Variants in ERO1A observed in about 807,000 individuals in gnomAD.
ERO1A encodes the protein endoplasmic reticulum oxidoreductase 1 alpha.
In ERO1A, 49 loss-of-function variants were observed where a neutral mutation model predicts 76.9. That is an observed-to-expected ratio of 0.64 (90% CI 0.51 to 0.81). ERO1A has a LOEUF of 0.81. Among genes scored for constraint, ERO1A ranks in the 30% least tolerant of loss-of-function variants. The probability of loss-of-function intolerance (pLI) is 0.00; values close to 1 mark genes in which losing one functional copy is unlikely to be tolerated. For missense variants in ERO1A, 448 were observed against 542.1 expected (o/e 0.83, Z 1.72); for synonymous variants, 174 against 181.2 (o/e 0.96, Z 0.32).
rs1277907032 is a variant in ERO1A at position 52,653,282 on chromosome 14, A to G, written c.842T>C (p.Ile281Thr). 6.2e-7 allele frequency: 1 copy of G among 1,611,692 alleles called. No homozygotes were observed. The highest frequency in any genetic ancestry group is 8.5e-7 in the Non-Finnish European group (1 of 1,178,720). The change falls in exon 12 of 16, where the codon ATT becomes ACT. Residue 281 changes from isoleucine to threonine, a missense_variant. Coordinates refer to ENST00000395686, the MANE Select transcript of ERO1A (RefSeq NM_014584.3). The part of the protein sequence containing the change: ...TWLEKKWGHN[I>T]TEFQQRFDGI... ...ATCAAATCGCTGTTGAAATTCTGTAATGTTGTGTCCCCATTTCTTTTCTAA... is the reference window on the plus strand; with the variant it reads ...ATCAAATCGCTGTTGAAATTCTGTAGTGTTGTGTCCCCATTTCTTTTCTAA...
chr14:52,676,166 T>C (rs1034151596), intron 4 of ERO1A, among the ~76,000 whole-genome samples: 1 of 152,174 alleles, frequency 6.6e-6, no homozygotes, highest in Non-Finnish European at 1.5e-5. Context: ...TCAGGAGAAA[T>C]GGAAATTCAA....
chr14:52,643,645 T>A lies in ERO1A; in HGVS notation c.1347-15A>T. ...TTGTAGAAATTCTGTAACCAAAAAA[T>A]ATTTCACTCAGAAACCATCTTAGAT... On this transcript the variant is annotated splice_polypyrimidine_tract_variant and intron_variant, in intron 15 of 15. Coordinates refer to ENST00000395686, the MANE Select transcript of ERO1A (RefSeq NM_014584.3). 7.3e-7 allele frequency: 1 copy of A among 1,372,798 alleles called. No homozygotes were observed. The highest frequency in any genetic ancestry group is 9.8e-7 in the Non-Finnish European group (1 of 1,024,466). The allele number at this position is 1,372,798 out of a possible 1,614,324, so 85.0% of individuals were successfully genotyped here.
chr14:52,682,354 T>G lies in ERO1A; in HGVS notation c.289A>C (p.Arg97=). 6.2e-7 allele frequency: 1 copy of G among 1,612,028 alleles called. No individual in the cohort carries two copies. The highest frequency in any genetic ancestry group is 8.5e-7 in the Non-Finnish European group (1 of 1,178,774). The change falls in exon 3 of 16, where the codon AGG becomes CGG. Residue 97 remains arginine, a synonymous_variant. Coordinates refer to ENST00000395686, the MANE Select transcript of ERO1A (RefSeq NM_014584.3). The stretch of plus-strand genomic sequence containing the variant: ...TGACATGGTTTGACAGCACAGTCCC[T>G]TCTTCCACACTGGCTGATGTCATTC... ...FWNDISQCGR[R]DCAVKPCQSD...
At position 52,642,997 on chromosome 14, in the gene ERO1A, T is replaced by A. The variant is rs1037869374; in HGVS notation, c.*573A>T. 1 of 152,578 alleles carries A rather than the reference T, an allele frequency of 6.6e-6. No homozygotes were observed. Among genetic ancestry groups the A allele is most frequent in the Admixed American group, 6.5e-5 (1 of 15,280 alleles). The allele number at this position is 152,578 out of a possible 1,614,324, so 9.5% of individuals were successfully genotyped here. ...ATAAAATACAAGACTCCCAGTTAAA[T>A]TTGAATTTCAAACAAATAATTTTTT... On this transcript the variant is annotated 3_prime_UTR_variant, in exon 16 of 16. Transcript: ENST00000395686.
At chr14:52,664,102 A>G (rs1013740629) in intron 7 of ERO1A, 12 of 292,642 alleles carry the variant, frequency 4.1e-5, no homozygotes, top group South Asian at 7.7e-5. Context: ...AGAAGAGAAA[A>G]TATCAGCCAA....
At chr14:52,646,128 A>C (rs769988954) in intron 15 of ERO1A, 26 bp downstream of exon 15, 1 of 1,590,934 alleles carries the variant, frequency 6.3e-7, no homozygotes, top group African/African-American at 1.4e-5. Flanking sequence ...TGGCTACCAG[A>C]AGCATTTCAG....
chr14:52,683,579 A>G (rs17125657), intron 2 of ERO1A, among the ~76,000 whole-genome samples: 22,793 of 152,144 alleles, frequency 0.15, 1,931 homozygotes, highest in African/African-American at 0.23. Context: ...AACCAACTAG[A>G]TTCTAACTCT....
intron 7 of ERO1A, among the ~76,000 whole-genome samples, chr14:52,665,170 C>T (rs890632231): frequency 1.5e-4 from 22 of 151,430 alleles, no homozygotes; most frequent in Admixed American, 9.9e-4. Context: ...GGTGTGGTGG[C>T]GTGTGCCTGT....
chr14:52,695,446 C>T lies in ERO1A; in HGVS notation c.36G>A (p.Leu12=), dbSNP rs952743745. 2.6e-6 allele frequency: 4 copies of T among 1,548,964 alleles called. No homozygotes were observed. The African/African-American group carries it at 4.2e-5, about 16-fold the overall frequency. ...CCGAGCTGAGCAGCCACACGGCGCC[C>T]AGGAGGCCAAACAAGAATCCCCAGC... The part of the protein sequence containing the change: ...GRGWGFLFGL[L]GAVWLLSSGH... The change falls in exon 1 of 16, where the codon CTG becomes CTA. Residue 12 remains leucine, a synonymous_variant. Transcript: ENST00000395686.
At chr14:52,693,333 C>A (rs763674184) in intron 1 of ERO1A, among the ~76,000 whole-genome samples, 1 of 152,096 alleles carries the variant, frequency 6.6e-6, no homozygotes, top group African/African-American at 2.4e-5. Context: ...ACTGGCCTAG[C>A]CTTCCAGCCT....
rs1483841485 is a variant in ERO1A, at chr14:52,695,531, C to A, written c.-50G>T. 1.5e-6 allele frequency: 2 copies of A among 1,359,168 alleles called. No individual in the cohort carries two copies. Among genetic ancestry groups the A allele is most frequent in the South Asian group, 2.9e-5 (2 of 68,704 alleles). The allele number at this position is 1,359,168 out of a possible 1,614,324, so 84.2% of individuals were successfully genotyped here. A position where few individuals can be genotyped will look rare whatever the true frequency, so the allele number is the denominator to read the frequency against. On this transcript the variant is annotated 5_prime_UTR_variant, in exon 1 of 16. Coordinates refer to ENST00000395686, the MANE Select transcript of ERO1A (RefSeq NM_014584.3). ...CACGCTTGGGAGGCCAGTCCGCACG[C>A]TCGGTCGCGGGCCGTGCGCCCTCAG...
At chr14:52,694,111 ATCT>A (rs1252932966) in intron 1 of ERO1A, among the ~76,000 whole-genome samples, 2 of 152,168 alleles carry the variant, frequency 1.3e-5, no homozygotes, top group African/African-American at 4.8e-5. Context: ...TACATTGGAC[ATCT>A]TCTTTCCGTA....
At chr14:52,664,823 C>G (rs533637307) in intron 7 of ERO1A, among the ~76,000 whole-genome samples, 1 of 152,160 alleles carries the variant, frequency 6.6e-6, no homozygotes, top group South Asian at 2.1e-4. Flanking sequence ...TCTCGAGTAG[C>G]TGGGACTACA....
chr14:52,656,474 G>C (rs1354682208), intron 11 of ERO1A, among the ~76,000 whole-genome samples: 1 of 152,124 alleles, frequency 6.6e-6, no homozygotes, highest in Non-Finnish European at 1.5e-5. Context: ...ACTTTGGGAG[G>C]CCAAGGCGGG....
intron 11 of ERO1A, among the ~76,000 whole-genome samples, chr14:52,656,136 C>T (rs1443262505): frequency 3.3e-5 from 5 of 151,876 alleles, no homozygotes; most frequent in Admixed American, 2.6e-4. Flanking sequence ...CTTTTCAAAC[C>T]CTCCTGTCTC....
At chr14:52,658,098 A>AC in intron 10 of ERO1A, 26 bp downstream of exon 10, 3 of 1,506,796 alleles carry the variant, frequency 2.0e-6, no homozygotes, top group Non-Finnish European at 2.7e-6. Context: ...ACCATCATTG[A>AC]AATTTATTTT....
intron 15 of ERO1A, among the ~76,000 whole-genome samples, chr14:52,644,951 A>T (rs952140626): frequency 1.3e-5 from 2 of 152,180 alleles, no homozygotes; most frequent in East Asian, 1.9e-4. Context: ...GTAGTCCTTT[A>T]AAAAATGTTA....
intron 9 of ERO1A, among the ~76,000 whole-genome samples, chr14:52,658,982 C>T (rs2040143051): frequency 6.6e-6 from 1 of 151,870 alleles, no homozygotes; most frequent in Non-Finnish European, 1.5e-5. Flanking sequence ...ACCAAACAAG[C>T]ATAAAAATAA....
chr14:52,672,931 A>G (rs1299563369), intron 4 of ERO1A, among the ~76,000 whole-genome samples: 1 of 152,110 alleles, frequency 6.6e-6, no homozygotes, highest in Non-Finnish European at 1.5e-5. Context: ...TATTCTTGCC[A>G]CAAATGGAGA....
Sources: allele counts gnomAD v4.1 joint callset (sites outside exome capture counted in the v4.1 genomes callset), GRCh38; gene constraint gnomAD v4.1.1; transcripts MANE v1.5; gene names NCBI Gene and HGNC (gene_info 2026-07-23, HGNC 2026-07-21).